Variants in MPP7 observed in about 807,000 individuals in gnomAD.
MPP7 encodes the protein MAGUK p55 subfamily member 7.
A neutral mutation model predicts 76.5 loss-of-function variants in MPP7; 60 were observed. The ratio of observed to expected loss-of-function variants is 0.78; its 90% CI spans 0.64 to 0.97. The LOEUF (loss-of-function observed/expected upper bound fraction) is 0.97. MPP7 is among the 50% of genes least tolerant of loss of function. The pLI is 0.00. For missense variants in MPP7, 641 were observed against 694.0 expected (o/e 0.92, Z 0.86); for synonymous variants, 237 against 244.5 (o/e 0.97, Z 0.29).
At chr10:28,105,301 T>A (rs1358589325) in intron 11 of MPP7, among the ~76,000 whole-genome samples, 1 of 152,004 alleles carries the variant, frequency 6.6e-6, no homozygotes, top group African/African-American at 2.4e-5. Flanking sequence ...CTAGAAATAC[T>A]CTTGGGTTAC....
rs575644109 is a variant in MPP7, at chr10:28,184,568, G to A, written c.156+17585C>T. ...TACTAAAAATACAGAAATTATCTGGGCGTTGTAGGGGCATCTGTAATCCCA... is the reference window on the plus strand; with the variant it reads ...TACTAAAAATACAGAAATTATCTGGACGTTGTAGGGGCATCTGTAATCCCA... On this transcript the variant is annotated intron_variant, in intron 3 of 16. Transcript: ENST00000683449. Among the ~76,000 whole-genome samples, 13 of 149,094 alleles carry A rather than the reference G, an allele frequency of 8.7e-5. No individual in the cohort carries two copies. In the East Asian group the frequency reaches 2.1e-3, roughly 25 times the overall value.
intron 2 of MPP7, among the ~76,000 whole-genome samples, chr10:28,210,548 C>A (rs1333920495): frequency 6.6e-6 from 1 of 152,004 alleles, no homozygotes; most frequent in Non-Finnish European, 1.5e-5. Flanking sequence ...TAACATAAAA[C>A]CCCTAAACAT....
Position 28,118,459 on chromosome 10 carries a change from T to C in MPP7, c.952+1192A>G, listed in dbSNP as rs931472780. On this transcript the variant is annotated intron_variant, in intron 11 of 16. Transcript: ENST00000683449. The stretch of plus-strand genomic sequence containing the variant: ...GTGACACATTATCTTATCCCACATA[T>C]GCCAAATATATTAGAAATGTGTAAG... 9.2e-5 allele frequency: 91 copies of C among 985,028 alleles called. No individual in the cohort carries two copies. The African/African-American group carries it at 1.3e-3, about 15-fold the overall frequency. 61.0% of individuals were successfully genotyped at this position (985,028 alleles called of 1,614,324 possible).
chr10:28,324,894 T>A (rs1322086358), intron 2 of MPP7, among the ~76,000 whole-genome samples: 1 of 152,192 alleles, frequency 6.6e-6, no homozygotes, highest in East Asian at 1.9e-4. Flanking sequence ...GTTAGTTGAC[T>A]TGCCTAAGTC....
At chr10:28,081,732 C>T (rs1852769310) in intron 12 of MPP7, among the ~76,000 whole-genome samples, 1 of 151,366 alleles carries the variant, frequency 6.6e-6, no homozygotes, top group Admixed American at 6.6e-5. Flanking sequence ...TCACTTTTCC[C>T]AATGGCTTTG....
At chr10:28,237,650 T>TG (rs560213246) in intron 2 of MPP7, among the ~76,000 whole-genome samples, 117 of 152,338 alleles carry the variant, frequency 7.7e-4, no homozygotes, top group African/African-American at 2.7e-3. Flanking sequence ...CCAGTCATTG[T>TG]AATTGTCCAA....
At chr10:28,104,979 G>T (rs964310967) in intron 11 of MPP7, among the ~76,000 whole-genome samples, 18 of 151,954 alleles carry the variant, frequency 1.2e-4, no homozygotes, top group African/African-American at 4.4e-4. Flanking sequence ...GGATGGAAAT[G>T]AAGCTATTTT....
At chr10:28,067,533 A>C (rs957823010) in intron 13 of MPP7, among the ~76,000 whole-genome samples, 1 of 152,194 alleles carries the variant, frequency 6.6e-6, no homozygotes, top group Admixed American at 6.5e-5. Flanking sequence ...ATATCTGTCT[A>C]AAAGTAAATC....
intron 1 of MPP7, chr10:28,280,245 G>A (rs899190639): frequency 6.6e-6 from 1 of 152,064 alleles, no homozygotes; most frequent in Non-Finnish European, 1.5e-5. Context: ...CTGTATATGT[G>A]GGCGAAAAGT....
rs920633482 is a variant in MPP7 at position 28,286,111 on chromosome 10, G to A, written c.-132+16750C>T. Among the ~76,000 whole-genome samples the A allele has an allele frequency of 4.6e-5, 7 of 152,186 alleles. No individual in the cohort carries two copies. In the South Asian group the frequency reaches 6.2e-4, roughly 14 times the overall value. ...TGTAATCCCAGTACTTTGGGAGGCC[G>A]AGGTGGGCGGATCACAAGGTCAGGA... On this transcript the variant is annotated intron_variant, in intron 1 of 16. Transcript: ENST00000683449.
chr10:28,201,101 T>C (rs1435144591), intron 3 of MPP7, among the ~76,000 whole-genome samples: 1 of 152,194 alleles, frequency 6.6e-6, no homozygotes, highest in Non-Finnish European at 1.5e-5. Context: ...GAAATTACAC[T>C]GTTATGAAAA....
At chr10:28,140,032 A>C (rs1835463468) in intron 5 of MPP7, among the ~76,000 whole-genome samples, 1 of 152,238 alleles carries the variant, frequency 6.6e-6, no homozygotes, top group South Asian at 2.1e-4. Flanking sequence ...TAAATAAGTC[A>C]GGATATTGAA....
At chr10:28,088,005 C>A (rs2133440384) in intron 12 of MPP7, among the ~76,000 whole-genome samples, 1 of 152,198 alleles carries the variant, frequency 6.6e-6, no homozygotes, top group East Asian at 1.9e-4. Context: ...TTTTGAATTT[C>A]TTTTGAAGTA....
chr10:28,291,921 G>C (rs897949934), intron 1 of MPP7, among the ~76,000 whole-genome samples: 3 of 152,134 alleles, frequency 2.0e-5, no homozygotes, highest in Non-Finnish European at 2.9e-5. Flanking sequence ...GTCTACAGTA[G>C]TGAGTGTACA....
chr10:28,094,863 G>A (rs1186736152), intron 11 of MPP7, among the ~76,000 whole-genome samples: 2 of 152,166 alleles, frequency 1.3e-5, no homozygotes, highest in South Asian at 2.1e-4. Flanking sequence ...GCTGAGGCAC[G>A]AGAATCACTT....
At chr10:28,062,395 A>G in intron 13 of MPP7, among the ~76,000 whole-genome samples, 1 of 152,188 alleles carries the variant, frequency 6.6e-6, no homozygotes, top group East Asian at 1.9e-4. Flanking sequence ...CAAGTAGATT[A>G]AAATGGAAAT....
At chr10:28,248,087 A>G (rs888677069) in intron 1 of MPP7, among the ~76,000 whole-genome samples, 1 of 152,206 alleles carries the variant, frequency 6.6e-6, no homozygotes, top group African/African-American at 2.4e-5. Flanking sequence ...TGCTAAGGAA[A>G]GTAACATGCC....
At chr10:28,166,826 C>T (rs1295796553) in intron 3 of MPP7, among the ~76,000 whole-genome samples, 1 of 152,140 alleles carries the variant, frequency 6.6e-6, no homozygotes, top group African/African-American at 2.4e-5. Flanking sequence ...GCTGTAAGAA[C>T]TTTTCCAACA....
At chr10:28,189,023 A>G (rs1026971269) in intron 3 of MPP7, among the ~76,000 whole-genome samples, 1 of 152,112 alleles carries the variant, frequency 6.6e-6, no homozygotes, top group Non-Finnish European at 1.5e-5. Flanking sequence ...GATCTACACA[A>G]AAAAAAGGAA....
Sources: allele counts gnomAD v4.1 joint callset (sites outside exome capture counted in the v4.1 genomes callset), GRCh38; gene constraint gnomAD v4.1.1; transcripts MANE v1.5; gene names NCBI Gene and HGNC (gene_info 2026-07-23, HGNC 2026-07-21).